MARCHF6: variants seen among roughly 807,000 people sequenced by gnomAD.
MARCHF6 encodes the protein E3 ubiquitin-protein ligase MARCHF6.
A neutral mutation model predicts 133.7 loss-of-function variants in MARCHF6; 31 were observed. The ratio of observed to expected loss-of-function variants is 0.23; its 90% CI spans 0.17 to 0.31. The LOEUF (loss-of-function observed/expected upper bound fraction) is 0.31, where lower values mean the gene tolerates loss of function less well. Among genes scored for constraint, MARCHF6 ranks in the 10% least tolerant of loss-of-function variants. MARCHF6 has a pLI of 1.00. For synonymous variants in MARCHF6, 395 were observed against 402.5 expected (o/e 0.98, Z 0.22); for missense variants, 723 against 1,121.6 (o/e 0.64, Z 5.08).
intron 5 of MARCHF6, among the ~76,000 whole-genome samples, chr5:10,388,052 C>T (rs946980685): frequency 2.0e-5 from 3 of 152,170 alleles, no homozygotes; most frequent in African/African-American, 7.2e-5. Flanking sequence ...AATATAAATG[C>T]TAAGAACTTG....
chr5:10,426,599 G>C, intron 24 of MARCHF6, 77 bp downstream of exon 24: 3 of 1,470,214 alleles, frequency 2.0e-6, no homozygotes, highest in African/African-American at 2.8e-5. Flanking sequence ...CTAGTAAAAA[G>C]GATGTCTCAC....
At chr5:10,394,579 T>C (rs1317608341) in intron 8 of MARCHF6, among the ~76,000 whole-genome samples, 174 bp from the exon 9 acceptor site, 2 of 152,138 alleles carry the variant, frequency 1.3e-5, no homozygotes, top group African/African-American at 4.8e-5. Flanking sequence ...AAAACTCTCA[T>C]TCAGAAACAG....
chr5:10,359,969 G>A (rs1264049021), intron 1 of MARCHF6, among the ~76,000 whole-genome samples: 2 of 151,984 alleles, frequency 1.3e-5, no homozygotes, highest in Middle Eastern at 3.4e-3. Flanking sequence ...TCGCGCCACT[G>A]CACTCCAGCC....
intron 24 of MARCHF6, among the ~76,000 whole-genome samples, chr5:10,427,621 G>A (rs1740156491): frequency 6.6e-6 from 1 of 152,058 alleles, no homozygotes; most frequent in Admixed American, 6.6e-5. Context: ...CCGTGAGAGA[G>A]GAGCTTAAAA....
At chr5:10,415,352 TG>T (rs1306611249) in intron 20 of MARCHF6, 135 bp from the exon 21 acceptor site, 2 of 808,448 alleles carry the variant, frequency 2.5e-6, no homozygotes, top group Non-Finnish European at 3.9e-6. Context: ...TTTTGTCTTT[TG>T]TTTTTTTGAT....
At chr5:10,420,801 T>TG (rs902826034) in intron 22 of MARCHF6, among the ~76,000 whole-genome samples, 11 of 152,364 alleles carry the variant, frequency 7.2e-5, no homozygotes, top group African/African-American at 2.6e-4. Context: ...GATTGGTTAC[T>TG]GCCTCATTAC....
intron 18 of MARCHF6, 104 bp from the exon 19 acceptor site, chr5:10,411,229 T>C: frequency 2.3e-6 from 2 of 888,528 alleles, no homozygotes; most frequent in Non-Finnish European, 3.6e-6. Context: ...TTCTGTATTA[T>C]ACATTTTCTA....
Position 10,437,340 on chromosome 5 carries a change from A to C in MARCHF6, c.*3656A>C, listed in dbSNP as rs1384750378. 2 of 152,146 alleles carry C rather than the reference A, an allele frequency of 1.3e-5. No individual in the cohort carries two copies. The highest frequency in any genetic ancestry group is 2.4e-5 in the African/African-American group (1 of 41,432). The allele number at this position is 152,146 out of a possible 1,614,324, so 9.4% of individuals were successfully genotyped here. A position where few individuals can be genotyped will look rare whatever the true frequency, so the allele number is the denominator to read the frequency against. On this transcript the variant is annotated 3_prime_UTR_variant, in exon 26 of 26. Transcript: ENST00000274140. ...AAAAAAAACCCAACTAAAATGTCTT[A>C]CCAGTAAAGTATTATTAAAAGCCTC...
intron 15 of MARCHF6, among the ~76,000 whole-genome samples, chr5:10,405,086 A>G (rs1738797645): frequency 6.6e-6 from 1 of 152,198 alleles, no homozygotes; most frequent in Admixed American, 6.5e-5. Context: ...TGCGTTACAC[A>G]GAGGGTAACT....
At chr5:10,374,927 G>T (rs1357385497) in intron 1 of MARCHF6, among the ~76,000 whole-genome samples, 3 of 152,234 alleles carry the variant, frequency 2.0e-5, no homozygotes, top group Non-Finnish European at 4.4e-5. Context: ...CCCATTGATA[G>T]TTATTCTGTG....
intron 5 of MARCHF6, 104 bp from the exon 6 acceptor site, chr5:10,390,228 G>T (rs1229438208): frequency 7.6e-6 from 5 of 657,040 alleles, no homozygotes; most frequent in East Asian, 3.1e-5. Flanking sequence ...TCTTCTGGCT[G>T]TTTTTTTTTT....
chr5:10,371,962 A>G (rs780987583), intron 1 of MARCHF6, among the ~76,000 whole-genome samples: 4 of 152,084 alleles, frequency 2.6e-5, no homozygotes, highest in Non-Finnish European at 5.9e-5. Flanking sequence ...GTGAGACTCT[A>G]TCTCCTAAAA....
At chr5:10,395,145 C>G (rs1213924457) in intron 9 of MARCHF6, among the ~76,000 whole-genome samples, 1 of 152,200 alleles carries the variant, frequency 6.6e-6, no homozygotes, top group African/African-American at 2.4e-5. Flanking sequence ...CTTAGTGATT[C>G]AGAAACTTCA....
chr5:10,417,385 C>T lies in MARCHF6; in HGVS notation c.2264C>T (p.Pro755Leu), dbSNP rs1453988338. 6 of 1,613,726 alleles carry T rather than the reference C, an allele frequency of 3.7e-6. No individual in the cohort carries two copies. Among genetic ancestry groups the T allele is most frequent in the African/African-American group, 1.3e-5 (1 of 74,860 alleles). ...APLRVPLDQT[P>L]LFYPWQDWAL... Reference sequence around the variant, plus strand: ...CTGAGGGTTCCCTTGGATCAGACTCCTCTTTTTTATCCATGGCAGGTAAAT... The same window carrying T: ...CTGAGGGTTCCCTTGGATCAGACTCTTCTTTTTTATCCATGGCAGGTAAAT... The change falls in exon 22 of 26, where the codon CCT (proline) becomes CTT (leucine). Residue 755 changes from proline to leucine, a missense_variant. Around this residue, in one of 4 missense-constraint regions of MARCHF6, gnomAD observed 492 missense variants for 699.5 expected, o/e 0.70. Transcript: ENST00000274140.
chr5:10,381,316 T>C (rs1483543992), intron 3 of MARCHF6, among the ~76,000 whole-genome samples: 1 of 152,216 alleles, frequency 6.6e-6, no homozygotes, highest in African/African-American at 2.4e-5. Flanking sequence ...CAAATGTCAG[T>C]GGGATGTTTG....
chr5:10,394,438 G>A (rs377257087), intron 8 of MARCHF6, among the ~76,000 whole-genome samples: 21 of 152,278 alleles, frequency 1.4e-4, no homozygotes, highest in African/African-American at 4.1e-4. Context: ...TCATGCTTCA[G>A]TTGACAAAAT....
intron 1 of MARCHF6, among the ~76,000 whole-genome samples, chr5:10,359,624 G>T (rs13167259): frequency 0.27 from 40,426 of 151,944 alleles, 6,321 homozygotes; most frequent in South Asian, 0.37. Context: ...AGAAATCCGC[G>T]TATAAGTGGA....
At chr5:10,375,301 G>T (rs1003996214) in intron 1 of MARCHF6, among the ~76,000 whole-genome samples, 7 of 152,252 alleles carry the variant, frequency 4.6e-5, no homozygotes, top group Non-Finnish European at 1.0e-4. Flanking sequence ...TGGCACCCGG[G>T]CCAGCGGCTG....
chr5:10,353,833 C>T lies in MARCHF6; in HGVS notation c.-66C>T, dbSNP rs1222549343. 6.8e-6 allele frequency: 10 copies of T among 1,475,770 alleles called. No individual in the cohort carries two copies. The highest frequency in any genetic ancestry group is 1.7e-4 in the Middle Eastern group (1 of 5,836). 91.4% of individuals were successfully genotyped at this position (1,475,770 alleles called of 1,614,324 possible). A position where few individuals can be genotyped will look rare whatever the true frequency, so the allele number is the denominator to read the frequency against. ...CGGGCCCGGCTCCCTCCTCCTCTCCCCTCCCTCTTTCCCCGCCCGGCCGCG... is the reference window on the plus strand; with the variant it reads ...CGGGCCCGGCTCCCTCCTCCTCTCCTCTCCCTCTTTCCCCGCCCGGCCGCG... On this transcript the variant is annotated 5_prime_UTR_variant, in exon 1 of 26. Transcript: ENST00000274140.
Sources: allele counts gnomAD v4.1 joint callset (sites outside exome capture counted in the v4.1 genomes callset), GRCh38; gene constraint gnomAD v4.1.1; regional missense constraint gnomAD v4.1.1; transcripts MANE v1.5; gene names NCBI Gene and HGNC (gene_info 2026-07-23, HGNC 2026-07-21).